The following PCDHA4 variants were observed in gnomAD, a reference collection of about 807,000 sequenced individuals.
PCDHA4 encodes the protein protocadherin alpha-4.
In PCDHA4, 49 loss-of-function variants were observed where a neutral mutation model predicts 61.4. The observed-to-expected ratio is 0.80, with a 90% CI of 0.63 to 1.01. The LOEUF is 1.01. Ranked by LOEUF, PCDHA4 falls within the 50% of genes least tolerant of loss-of-function variation. The pLI is 0.00. For missense variants in PCDHA4, 1,254 were observed against 1,235.8 expected (o/e 1.01, Z -0.22); for synonymous variants, 590 against 550.3 (o/e 1.07, Z -1.01).
intron 1 of PCDHA4, among the ~76,000 whole-genome samples, chr5:140,915,048 C>T (rs782399136): frequency 2.0e-5 from 3 of 151,284 alleles, no homozygotes; most frequent in East Asian, 1.9e-4. Context: ...TGGGTTCAAG[C>T]GATTCTCCTG....
In PCDHA4 at chr5:140,858,295, G is replaced by T. The variant is rs190932191; in HGVS notation, c.2385+48723G>T. 8.8e-5 allele frequency: 140 copies of T among 1,597,360 alleles called. 13 individuals are homozygous for T. Among genetic ancestry groups the T allele is most frequent in the African/African-American group, 2.6e-4 (19 of 74,394 alleles). The stretch of plus-strand genomic sequence containing the variant: ...GCGCGGTGGGGAGCTGGTCTTACTC[G>T]CAGCAGAGGCGGCAGAGGGTGTGTT... On this transcript the variant is annotated intron_variant, in intron 1 of 3. Transcript: ENST00000530339.
At chr5:140,855,534 G>C (rs2043511154) in intron 1 of PCDHA4, among the ~76,000 whole-genome samples, 1 of 149,850 alleles carries the variant, frequency 6.7e-6, no homozygotes, top group Non-Finnish European at 1.5e-5. Context: ...AGAGAAGTAA[G>C]TTAAGTGTCA....
intron 1 of PCDHA4, chr5:140,829,079 A>C (rs1770100550): frequency 6.2e-7 from 1 of 1,611,828 alleles, no homozygotes; most frequent in South Asian, 1.1e-5. Flanking sequence ...CCATCCTCCC[A>C]TGGCGGGTCA....
chr5:141,006,974 G>A (rs782657772), intron 3 of PCDHA4, among the ~76,000 whole-genome samples: 6 of 152,174 alleles, frequency 3.9e-5, no homozygotes, highest in Admixed American at 3.9e-4. Context: ...GGAGCACAGA[G>A]AGATGTGGGC....
Position 140,876,041 on chromosome 5 carries a change from T to A in PCDHA4, c.2385+66469T>A, listed in dbSNP as rs1554168219. The A allele has an allele frequency of 1.9e-6, 3 of 1,613,848 alleles. No homozygotes were observed. Among genetic ancestry groups the A allele is most frequent in the South Asian group, 2.2e-5 (2 of 91,072 alleles). On this transcript the variant is annotated intron_variant, in intron 1 of 3. Transcript: ENST00000530339. ...ATAAAAACAAAAAAAGATAAAAGTATATTGCCTGAATTAGTTCTTCGGAAG... is the reference window on the plus strand; with the variant it reads ...ATAAAAACAAAAAAAGATAAAAGTAAATTGCCTGAATTAGTTCTTCGGAAG...
At chr5:140,982,823 G>A (rs1187029355) in intron 3 of PCDHA4, among the ~76,000 whole-genome samples, 2 of 151,450 alleles carry the variant, frequency 1.3e-5, no homozygotes, top group South Asian at 2.1e-4. Context: ...GAAGTTTTTG[G>A]GGTTTGTTTG....
At chr5:140,978,420 G>A (rs1489182751) in intron 1 of PCDHA4, among the ~76,000 whole-genome samples, 3 of 152,220 alleles carry the variant, frequency 2.0e-5, no homozygotes, top group African/African-American at 7.2e-5. Flanking sequence ...AAAAGAGACT[G>A]TTATCAGTTG....
At chr5:141,002,948 C>A (rs2098104348) in intron 3 of PCDHA4, among the ~76,000 whole-genome samples, 1 of 152,152 alleles carries the variant, frequency 6.6e-6, no homozygotes, top group African/African-American at 2.4e-5. Flanking sequence ...CAGCACATGC[C>A]CCTCTGAGAG....
chr5:140,978,656 G>A (rs2096815434), intron 1 of PCDHA4, among the ~76,000 whole-genome samples: 1 of 152,248 alleles, frequency 6.6e-6, no homozygotes, highest in African/African-American at 2.4e-5. Flanking sequence ...TCTTCCCGTA[G>A]TGTTTTAAGA....
chr5:140,884,233 T>A (rs782019323), intron 1 of PCDHA4: 1 of 1,613,364 alleles, frequency 6.2e-7, no homozygotes. Flanking sequence ...AGGACCACGG[T>A]GAGCCCGCGC....
rs782373131 is a variant in PCDHA4, at chr5:140,808,095, T to A, written c.908T>A (p.Ile303Asn). ...FHIDPITGQI[I>N]VKGYIDFEES... ...ATAGATCCAATTACTGGACAAATTA[T>A]TGTAAAGGGATATATTGACTTTGAA... is the stretch of plus-strand genomic sequence containing the variant. Residue 303 changes from isoleucine (I) to asparagine (N), a missense_variant, in exon 1 of 4, where the codon ATT (isoleucine) becomes AAT (asparagine). Transcript: ENST00000530339. 2.3e-5 allele frequency: 37 copies of A among 1,613,988 alleles called. No individual in the cohort carries two copies. In the East Asian group the frequency reaches 8.2e-4, roughly 36 times the overall value.
At chr5:140,854,870 CTG>C (rs2043251909) in intron 1 of PCDHA4, among the ~76,000 whole-genome samples, 1 of 149,668 alleles carries the variant, frequency 6.7e-6, no homozygotes, top group African/African-American at 2.4e-5. Flanking sequence ...TATTTCAGAA[CTG>C]TGTCTTTTGG....
rs782739291 is a variant in PCDHA4, at chr5:140,809,560, A to C, written c.2373A>C (p.Glu791Asp). ...DREDQLQTTE[E>D]SFAKPRQPNP... ...AAGATCAGCTGCAGACAACTGAGGA[A>C]TCCTTTGCAAAGGTTAGTGTATAAC... is the stretch of plus-strand genomic sequence containing the variant. The change falls in exon 1 of 4, where the codon GAA (glutamate) becomes GAC (aspartate). Residue 791 changes from glutamate to aspartate, a missense_variant. Transcript: ENST00000530339. 6.2e-7 allele frequency: 1 copy of C among 1,608,418 alleles called. No homozygotes were observed. The highest frequency in any genetic ancestry group is 1.7e-5 in the Admixed American group (1 of 59,130).
At chr5:140,851,197 G>A (rs1581255686) in intron 1 of PCDHA4, 1 of 1,202,520 alleles carries the variant, frequency 8.3e-7, no homozygotes. Flanking sequence ...TTAGTTGTTA[G>A]TCATTCATTA....
intron 1 of PCDHA4, chr5:140,871,313 C>A (rs371295919): frequency 1.4e-5 from 23 of 1,613,924 alleles, no homozygotes; most frequent in African/African-American, 9.3e-5. Context: ...GGGAAGCCCA[C>A]GCTGGTGTGC....
intron 1 of PCDHA4, chr5:140,822,354 G>T: frequency 6.2e-7 from 1 of 1,614,096 alleles, no homozygotes; most frequent in Non-Finnish European, 8.5e-7. Context: ...TTTTAGAGCT[G>T]GTTTTGAGGA....
At chr5:141,005,332 A>G (rs1479899678) in intron 3 of PCDHA4, among the ~76,000 whole-genome samples, 2 of 152,188 alleles carry the variant, frequency 1.3e-5, no homozygotes, top group Non-Finnish European at 2.9e-5. Context: ...ATAATAGGCC[A>G]AGGGGGTGCT....
chr5:140,913,103 G>A (rs2076206771), intron 1 of PCDHA4, among the ~76,000 whole-genome samples: 1 of 152,144 alleles, frequency 6.6e-6, no homozygotes, highest in Admixed American at 6.5e-5. Context: ...TGGCCTCATA[G>A]AATCAGTTTG....
intron 1 of PCDHA4, chr5:140,857,495 G>T: frequency 6.3e-7 from 1 of 1,598,344 alleles, no homozygotes; most frequent in Non-Finnish European, 8.6e-7. Context: ...GGACGCGGAC[G>T]CGCAGGAGAA....
Sources: gnomAD v4.1 joint callset for allele counts (sites outside exome capture counted in the v4.1 genomes callset) on GRCh38, gnomAD v4.1.1 for gene constraint, MANE v1.5 for transcripts, NCBI Gene and HGNC (gene_info 2026-07-23, HGNC 2026-07-21) for gene names.